Variants in DIAPH2 observed in about 807,000 individuals in gnomAD.
DIAPH2 encodes protein diaphanous homolog 2.
In DIAPH2, 35 loss-of-function variants were observed where a neutral mutation model predicts 92.7. That is an observed-to-expected ratio of 0.38 (90% confidence interval 0.29 to 0.50). The LOEUF is 0.50. Ranked by LOEUF, DIAPH2 falls within the 20% of genes least tolerant of loss-of-function variation. The probability of loss-of-function intolerance (pLI) is 0.94; values close to 1 mark genes in which losing one functional copy is unlikely to be tolerated. For synonymous variants in DIAPH2, 301 were observed against 280.4 expected (o/e 1.07, Z -0.73); for missense variants, 701 against 819.5 (o/e 0.86, Z 1.77).
intron 23 of DIAPH2, among the ~76,000 whole-genome samples, chrX:97,320,440 G>A (rs1479503835): frequency 2.7e-5 from 3 of 110,771 alleles, no homozygotes; most frequent in East Asian, 5.7e-4. Flanking sequence ...TTGGCCAGGC[G>A]CGGTAGCTCT....
At chrX:97,046,109 G>A (rs1233661870) in intron 17 of DIAPH2, among the ~76,000 whole-genome samples, 2 of 106,968 alleles carry the variant, frequency 1.9e-5, no homozygotes, top group African/African-American at 6.8e-5. Context: ...TGCCTGCCTC[G>A]GCCTCCCAAA....
intron 4 of DIAPH2, among the ~76,000 whole-genome samples, chrX:96,763,415 G>GT (rs927509486): frequency 9.0e-6 from 1 of 110,755 alleles, no homozygotes; most frequent in Admixed American, 9.6e-5. Context: ...TGATGAAATT[G>GT]TATGTTTTAC....
chrX:96,699,735 T>C (rs1242577113), intron 1 of DIAPH2, among the ~76,000 whole-genome samples: 2 of 111,960 alleles, frequency 1.8e-5, no homozygotes, highest in Non-Finnish European at 3.8e-5. Flanking sequence ...CTAATCCCTG[T>C]CTTCATGGAA....
At chrX:97,034,577 G>T (rs12689621) in intron 17 of DIAPH2, among the ~76,000 whole-genome samples, 1 of 109,705 alleles carries the variant, frequency 9.1e-6, no homozygotes, top group Non-Finnish European at 1.9e-5. Context: ...AAGAAAGAGA[G>T]AAATCAGACT....
At chrX:97,439,747 A>C (rs1263065212) in intron 26 of DIAPH2, among the ~76,000 whole-genome samples, 1 of 81,950 alleles carries the variant, frequency 1.2e-5, no homozygotes, top group Non-Finnish European at 2.4e-5. Context: ...ACTCTGTCTC[A>C]AAATAAAAGA....
intron 4 of DIAPH2, among the ~76,000 whole-genome samples, chrX:96,812,648 G>C (rs1205143918): frequency 9.0e-6 from 1 of 111,624 alleles, no homozygotes; most frequent in African/African-American, 3.3e-5. Flanking sequence ...GCTTTCTCTT[G>C]TGGGCATTTA....
intron 17 of DIAPH2, among the ~76,000 whole-genome samples, chrX:97,048,810 G>C (rs781365879): frequency 9.0e-6 from 1 of 110,816 alleles, no homozygotes; most frequent in South Asian, 3.8e-4. Flanking sequence ...ATGGTTTATA[G>C]TTCGTTACTG....
intron 15 of DIAPH2, among the ~76,000 whole-genome samples, chrX:96,949,880 A>G (rs924430493): frequency 1.9e-5 from 2 of 107,714 alleles, no homozygotes; most frequent in African/African-American, 3.4e-5. Flanking sequence ...AAAAAAAAAA[A>G]AAGAAGTTGA....
intron 23 of DIAPH2, among the ~76,000 whole-genome samples, chrX:97,319,629 G>A (rs996051185): frequency 7.3e-5 from 8 of 109,517 alleles, no homozygotes; most frequent in Non-Finnish European, 1.5e-4. Context: ...CTCGTGATCT[G>A]CCCGCCTCAG....
chrX:96,926,164 T>C (rs1399197923), intron 9 of DIAPH2, among the ~76,000 whole-genome samples: 2 of 111,329 alleles, frequency 1.8e-5, no homozygotes, highest in Non-Finnish European at 3.8e-5. Flanking sequence ...CTGTGAATTG[T>C]GATTAAATAG....
At chrX:97,518,592 C>T (rs1182942894) in intron 26 of DIAPH2, among the ~76,000 whole-genome samples, 1 of 108,253 alleles carries the variant, frequency 9.2e-6, no homozygotes, top group African/African-American at 3.4e-5. Context: ...ATAGTTTTTT[C>T]CATCTAGTTT....
At chrX:96,790,159 T>G (rs780476648) in intron 4 of DIAPH2, among the ~76,000 whole-genome samples, 1 of 108,961 alleles carries the variant, frequency 9.2e-6, no homozygotes, top group Non-Finnish European at 1.9e-5. Flanking sequence ...AACCTCCGCC[T>G]CCTGGGTTCT....
intron 4 of DIAPH2, among the ~76,000 whole-genome samples, chrX:96,789,894 G>A (rs900694460): frequency 1.8e-5 from 2 of 110,434 alleles, no homozygotes; most frequent in South Asian, 7.7e-4. Flanking sequence ...TATTATGTTG[G>A]CTTTTATTCA....
At chrX:97,270,017 G>A (rs748549340) in intron 23 of DIAPH2, among the ~76,000 whole-genome samples, 15 of 110,418 alleles carry the variant, frequency 1.4e-4, no homozygotes, top group Admixed American at 1.9e-4. Flanking sequence ...CACAACCTCC[G>A]CTTCCCAGGT....
In DIAPH2 at chrX:97,087,059, A is replaced by G. The variant is rs1385476568; in HGVS notation, c.2247+11798A>G. Among the ~76,000 whole-genome samples, 5 of 111,902 alleles carry G rather than the reference A, an allele frequency of 4.5e-5. No homozygotes were observed. The East Asian group carries it at 1.4e-3, about 31-fold the overall frequency. ...TTCTTCCAGTATTAGATGACATTAT[A>G]AATGTCTTCATTGACATTCATTATT... On this transcript the variant is annotated intron_variant, in intron 19 of 26. Transcript: ENST00000324765.
intron 23 of DIAPH2, among the ~76,000 whole-genome samples, chrX:97,302,624 C>G (rs958584578): frequency 8.9e-6 from 1 of 111,838 alleles, no homozygotes; most frequent in Non-Finnish European, 1.9e-5. Context: ...AAAAAACTCT[C>G]TTATATATCC....
rs2071597274 is a variant in DIAPH2 at position 97,601,694 on chromosome X, A to C, written c.*2377A>C. 1 of 112,420 alleles carries C rather than the reference A, an allele frequency of 8.9e-6. No individual in the cohort carries two copies. Among genetic ancestry groups the C allele is most frequent in the African/African-American group, 3.2e-5 (1 of 30,904 alleles). The allele number at this position is 112,420 out of a possible 1,213,427, so 9.3% of individuals were successfully genotyped here. On this transcript the variant is annotated 3_prime_UTR_variant, in exon 27 of 27. Coordinates refer to ENST00000324765, the MANE Select transcript of DIAPH2 (RefSeq NM_006729.5). ...ACCATTTATGCAGATTTTCTTCAGA[A>C]TATTTTTAAAAGGTACAGAATCCTT...
At chrX:97,168,617 G>C (rs10218358) in intron 22 of DIAPH2, among the ~76,000 whole-genome samples, 2 of 111,166 alleles carry the variant, frequency 1.8e-5, no homozygotes, top group Non-Finnish European at 3.8e-5. Context: ...TTACATTCTC[G>C]AAGTGGGGAG....
Position 97,599,361 on chromosome X carries a change from A to ATGAT in DIAPH2, c.*45_*48dup. ...ATGAAAATATTTAAGTAAAAACAAAATGATGCATTTTGAGAAGAACAAAGT... is the reference window on the plus strand; with the variant it reads ...ATGAAAATATTTAAGTAAAAACAAAATGATTGATGCATTTTGAGAAGAACAAAGT... On this transcript the variant is annotated 3_prime_UTR_variant, in exon 27 of 27. Transcript: ENST00000324765. 1.0e-6 allele frequency: 1 copy of ATGAT among 969,341 alleles called. No individual in the cohort carries two copies. Among genetic ancestry groups the ATGAT allele is most frequent in the Non-Finnish European group, 1.4e-6 (1 of 697,256 alleles). 79.9% of individuals were successfully genotyped at this position (969,341 alleles called of 1,213,427 possible).
Sources: gnomAD v4.1 joint callset for allele counts (sites outside exome capture counted in the v4.1 genomes callset) on GRCh38, gnomAD v4.1.1 for gene constraint, MANE v1.5 for transcripts, NCBI Gene and HGNC (gene_info 2026-07-23, HGNC 2026-07-21) for gene names.